ATP8A2: variants seen among roughly 807,000 people sequenced by gnomAD.
ATP8A2 encodes phospholipid-transporting ATPase IB.
In ATP8A2, 100 loss-of-function variants were observed where a neutral mutation model predicts 165.6. The observed-to-expected ratio is 0.60, with a 90% CI of 0.51 to 0.71. The LOEUF (loss-of-function observed/expected upper bound fraction) is 0.71, where lower values mean the gene tolerates loss of function less well. Among genes scored for constraint, ATP8A2 ranks in the 30% least tolerant of loss-of-function variants. The probability of loss-of-function intolerance (pLI) is 0.00; values close to 1 mark genes in which losing one functional copy is unlikely to be tolerated. For missense variants in ATP8A2, 1,227 were observed against 1,479.5 expected, an observed-to-expected ratio of 0.83 and a Z score of 2.80; for synonymous variants, 543 against 548.8, an observed-to-expected ratio of 0.99 and a Z score of 0.15.
intron 30 of ATP8A2, among the ~76,000 whole-genome samples, chr13:25,851,950 G>A (rs1039954147): frequency 1.3e-5 from 2 of 152,048 alleles, no homozygotes; most frequent in Non-Finnish European, 2.9e-5. Context: ...TCAAGCAACC[G>A]TCCTGCCTCA....
At chr13:25,978,831 T>C in intron 35 of ATP8A2, among the ~76,000 whole-genome samples, 1 of 152,030 alleles carries the variant, frequency 6.6e-6, no homozygotes, top group East Asian at 1.9e-4. Flanking sequence ...TCCCAGCTAC[T>C]TGAGAGGCTG....
intron 5 of ATP8A2, 125 bp downstream of exon 5, chr13:25,532,442 G>T (rs61948617): frequency 0.044 from 27,447 of 630,558 alleles, 761 homozygotes; most frequent in Middle Eastern, 0.05. Flanking sequence ...ATAAAATAAA[G>T]AAATAGTAAA....
chr13:25,414,339 T>C (rs1399006876), intron 1 of ATP8A2, among the ~76,000 whole-genome samples: 1 of 152,014 alleles, frequency 6.6e-6, no homozygotes, highest in African/African-American at 2.4e-5. Context: ...TACAAGCATG[T>C]GCCACCACAC....
At chr13:25,769,923 GAAA>G (rs1397093105) in intron 26 of ATP8A2, among the ~76,000 whole-genome samples, 1 of 152,190 alleles carries the variant, frequency 6.6e-6, no homozygotes, top group East Asian at 1.9e-4. Flanking sequence ...GAGGATGAAA[GAAA>G]GGTCCACTCC....
intron 35 of ATP8A2, among the ~76,000 whole-genome samples, chr13:25,999,339 G>A (rs2139315846): frequency 6.6e-6 from 1 of 152,266 alleles, no homozygotes. Context: ...TGAGTCCAAA[G>A]TTGCATCTCA....
At chr13:25,510,089 G>A (rs1020184873) in intron 2 of ATP8A2, among the ~76,000 whole-genome samples, 3 of 151,974 alleles carry the variant, frequency 2.0e-5, no homozygotes, top group Middle Eastern at 3.2e-3. Context: ...AATATTTTAT[G>A]TGACCAGCCT....
chr13:25,417,046 A>G (rs1447292672), intron 1 of ATP8A2, among the ~76,000 whole-genome samples: 1 of 151,230 alleles, frequency 6.6e-6, no homozygotes, highest in Non-Finnish European at 1.5e-5. Flanking sequence ...GGTTTAGAAC[A>G]CTGGATTCCA....
chr13:25,582,782 T>G lies in ATP8A2; in HGVS notation c.2146+825T>G, dbSNP rs541066442. On this transcript the variant is annotated intron_variant, in intron 23 of 36. Coordinates refer to ENST00000381655, the MANE Select transcript of ATP8A2 (RefSeq NM_016529.6). The stretch of plus-strand genomic sequence containing the variant: ...ATATTCTCAACATAATCCAATGGTG[T>G]CCCTTTCCTGAAAACCTTATCTTTG... Among the ~76,000 whole-genome samples the G allele has an allele frequency of 1.9e-4, 29 of 152,336 alleles. 1 individual carries two copies. Among genetic ancestry groups the G allele is most frequent in the Middle Eastern group, 3.4e-3 (1 of 294 alleles).
rs1451993924 is a variant in ATP8A2 at position 25,588,332 on chromosome 13, C to T, written c.2147-1303C>T. Among the ~76,000 whole-genome samples the T allele has an allele frequency of 3.9e-5, 6 of 152,142 alleles. No individual in the cohort carries two copies. The East Asian group carries it at 1.2e-3, about 29-fold the overall frequency. The stretch of plus-strand genomic sequence containing the variant: ...AACCCACAACATGGTTTTTCTTGGT[C>T]TTAATTTTTGTCTATCTTGAATTTC... On this transcript the variant is annotated intron_variant, in intron 23 of 36. Coordinates refer to ENST00000381655, the MANE Select transcript of ATP8A2 (RefSeq NM_016529.6).
At chr13:25,695,208 G>A (rs2042810721) in intron 24 of ATP8A2, among the ~76,000 whole-genome samples, 1 of 151,458 alleles carries the variant, frequency 6.6e-6, no homozygotes, top group African/African-American at 2.4e-5. Flanking sequence ...GTGTGCAACA[G>A]CATCACATCT....
Position 25,968,691 on chromosome 13 carries a change from C to A in ATP8A2, c.3377+12C>A, listed in dbSNP as rs375979642. On this transcript the variant is annotated intron_variant, in intron 35 of 36. Coordinates refer to ENST00000381655, the MANE Select transcript of ATP8A2 (RefSeq NM_016529.6). Reference sequence around the variant, plus strand: ...AGCAATGGAAAGAGGTGGGGAACTCCGTCCCAGTCCGCACAGAACACAGGT... The same window carrying A: ...AGCAATGGAAAGAGGTGGGGAACTCAGTCCCAGTCCGCACAGAACACAGGT... 12 of 1,599,056 alleles carry A rather than the reference C, an allele frequency of 7.5e-6. No homozygotes were observed. The highest frequency in any genetic ancestry group is 1.0e-5 in the Non-Finnish European group (12 of 1,168,302).
At chr13:25,522,134 C>A (rs558726061) in intron 2 of ATP8A2, among the ~76,000 whole-genome samples, 2 of 152,292 alleles carry the variant, frequency 1.3e-5, no homozygotes, top group East Asian at 3.9e-4. Flanking sequence ...GTGTCCTCTT[C>A]AATTTATTTC....
intron 1 of ATP8A2, among the ~76,000 whole-genome samples, chr13:25,400,414 G>A (rs1176549118): frequency 6.6e-6 from 1 of 151,882 alleles, no homozygotes; most frequent in East Asian, 1.9e-4. Context: ...TATTTATGGG[G>A]TACATGCGAG....
chr13:25,803,694 A>G (rs1421020444), intron 27 of ATP8A2, among the ~76,000 whole-genome samples: 1 of 152,188 alleles, frequency 6.6e-6, no homozygotes, highest in Non-Finnish European at 1.5e-5. Context: ...AGATGTTACC[A>G]TTACCTGAAG....
At chr13:25,543,555 C>A (rs1337643936) in intron 10 of ATP8A2, among the ~76,000 whole-genome samples, 153 bp downstream of exon 10, 1 of 152,206 alleles carries the variant, frequency 6.6e-6, no homozygotes, top group Non-Finnish European at 1.5e-5. Flanking sequence ...TCTTAGGTAG[C>A]TTTTTCTAGA....
intron 33 of ATP8A2, 63 bp from the exon 34 acceptor site, chr13:25,961,512 A>G: frequency 7.7e-7 from 1 of 1,291,968 alleles, no homozygotes; most frequent in African/African-American, 1.5e-5. Context: ...CCTTGATTAC[A>G]TTATGTTGCT....
chr13:25,805,810 A>G (rs1950720859), intron 27 of ATP8A2, among the ~76,000 whole-genome samples: 2 of 152,306 alleles, frequency 1.3e-5, no homozygotes, highest in South Asian at 2.1e-4. Context: ...AGAACTTATT[A>G]GTTCTCACAT....
In ATP8A2 at chr13:25,719,467, GTGGA is replaced by G. The variant is rs1193366855; in HGVS notation, c.2384+20149_2384+20152del. ...GGTGGATGGGTGGATGGGTGGATGGGTGGATGGATGGATGGATGGATGGATGGAT... is the reference window on the plus strand; with the variant it reads ...GGTGGATGGGTGGATGGGTGGATGGGTGGATGGATGGATGGATGGATGGAT... On this transcript the variant is annotated intron_variant, in intron 25 of 36. Coordinates refer to ENST00000381655, the MANE Select transcript of ATP8A2 (RefSeq NM_016529.6). 4.9e-3 allele frequency among the ~76,000 whole-genome samples: 734 copies of G among 150,222 alleles called. 4 individuals are homozygous for G. Among genetic ancestry groups the G allele is most frequent in the Middle Eastern group, 6.8e-3 (2 of 292 alleles).
intron 33 of ATP8A2, chr13:25,871,168 G>T: frequency 2.5e-6 from 1 of 397,980 alleles, no homozygotes; most frequent in South Asian, 1.9e-5. Context: ...TCATTCTGAT[G>T]TTAATTTTTA....
Sources: gnomAD v4.1 joint callset for allele counts (sites outside exome capture counted in the v4.1 genomes callset) on GRCh38, gnomAD v4.1.1 for gene constraint, MANE v1.5 for transcripts, NCBI Gene and HGNC (gene_info 2026-07-23, HGNC 2026-07-21) for gene names.